Variants in OSBPL6 observed in about 807,000 individuals in gnomAD.
OSBPL6 encodes oxysterol binding protein like 6.
OSBPL6 carries 49 observed loss-of-function variants against 125.8 expected under a neutral mutation model. The ratio of observed to expected loss-of-function variants is 0.39; its 90% CI spans 0.31 to 0.49. OSBPL6 has a LOEUF of 0.49. OSBPL6 is among the 20% of genes least tolerant of loss of function. The pLI, the probability that OSBPL6 is intolerant of heterozygous loss-of-function variation, is 0.88. For missense variants in OSBPL6, 986 were observed against 1,135.4 expected, an observed-to-expected ratio of 0.87 and a Z score of 1.89; for synonymous variants, 394 against 391.8, an observed-to-expected ratio of 1.01 and a Z score of -0.07.
intron 2 of OSBPL6, among the ~76,000 whole-genome samples, chr2:178,298,574 C>T (rs922086288): frequency 1.3e-5 from 2 of 152,152 alleles, no homozygotes; most frequent in Non-Finnish European, 2.9e-5. Context: ...CAGGCAAGTA[C>T]CATCACATTC....
intron 1 of OSBPL6, among the ~76,000 whole-genome samples, chr2:178,204,319 C>T (rs73028668): frequency 0.086 from 13,105 of 152,250 alleles, 672 homozygotes; most frequent in South Asian, 0.12. Context: ...CCACCCTGCC[C>T]GGCCTCACTG....
chr2:178,201,170 C>T (rs62177211), intron 1 of OSBPL6, among the ~76,000 whole-genome samples: 18,828 of 152,012 alleles, frequency 0.12, 1,253 homozygotes, highest in South Asian at 0.19. Context: ...TTAAATTTAC[C>T]TTTCTGATTT....
At chr2:178,219,240 A>G (rs2090236691) in intron 1 of OSBPL6, among the ~76,000 whole-genome samples, 1 of 152,248 alleles carries the variant, frequency 6.6e-6, no homozygotes, top group South Asian at 2.1e-4. Context: ...GGTTGCTTGC[A>G]TCATCTATAT....
At chr2:178,272,552 G>C (rs1452645206) in intron 1 of OSBPL6, among the ~76,000 whole-genome samples, 1 of 152,080 alleles carries the variant, frequency 6.6e-6, no homozygotes, top group Non-Finnish European at 1.5e-5. Flanking sequence ...CAATGGGAAG[G>C]AAGCTTTTAA....
At chr2:178,327,308 A>G (rs934556646) in intron 4 of OSBPL6, among the ~76,000 whole-genome samples, 1 of 152,188 alleles carries the variant, frequency 6.6e-6, no homozygotes, top group Non-Finnish European at 1.5e-5. Context: ...CATCATCCAC[A>G]TGTAGACACA....
At chr2:178,221,103 C>A (rs1022282582) in intron 1 of OSBPL6, among the ~76,000 whole-genome samples, 16 of 152,148 alleles carry the variant, frequency 1.1e-4, no homozygotes, top group Non-Finnish European at 2.2e-4. Flanking sequence ...TTTGTTTCCC[C>A]CTCCATTCTG....
intron 15 of OSBPL6, among the ~76,000 whole-genome samples, chr2:178,378,624 G>A (rs1419705452): frequency 6.6e-6 from 1 of 152,212 alleles, no homozygotes; most frequent in Non-Finnish European, 1.5e-5. Context: ...AGTTTGTAAA[G>A]AGAAATACTT....
At chr2:178,342,255 T>C in intron 11 of OSBPL6, among the ~76,000 whole-genome samples, 1 of 152,190 alleles carries the variant, frequency 6.6e-6, no homozygotes, top group African/African-American at 2.4e-5. Context: ...ATTGTGAAGG[T>C]GCCCAGACCA....
chr2:178,254,421 C>G (rs1179060833), intron 1 of OSBPL6, among the ~76,000 whole-genome samples: 7 of 151,090 alleles, frequency 4.6e-5, no homozygotes, highest in Non-Finnish European at 8.8e-5. Context: ...GAAAGAAATT[C>G]CTTTTCCTTA....
Position 178,385,540 on chromosome 2 carries a change from A to G in OSBPL6, c.2077+19A>G. On this transcript the variant is annotated intron_variant, in intron 19 of 24. Coordinates refer to ENST00000190611, the MANE Select transcript of OSBPL6 (RefSeq NM_032523.4). ...TGGCAAGGTTTGTATTTCAATTATAATTTAAAATCAAATGTATGAGCCTAT... is the reference window on the plus strand; with the variant it reads ...TGGCAAGGTTTGTATTTCAATTATAGTTTAAAATCAAATGTATGAGCCTAT... 2 of 1,553,350 alleles carry G rather than the reference A, an allele frequency of 1.3e-6. No individual in the cohort carries two copies.
chr2:178,368,314 C>T (rs1434093), intron 13 of OSBPL6, among the ~76,000 whole-genome samples: 11,895 of 152,096 alleles, frequency 0.078, 716 homozygotes, highest in Non-Finnish European at 0.12. Flanking sequence ...GCTCAGTTGC[C>T]GGCTTACACT....
At chr2:178,328,418 A>G (rs781006768) in intron 5 of OSBPL6, 40 bp downstream of exon 5, 1 of 1,595,042 alleles carries the variant, frequency 6.3e-7, no homozygotes, top group African/African-American at 1.4e-5. Flanking sequence ...CCATCTTCAT[A>G]AATAAAGAAG....
chr2:178,358,163 A>G (rs557486920), intron 12 of OSBPL6, among the ~76,000 whole-genome samples: 1 of 152,326 alleles, frequency 6.6e-6, no homozygotes, highest in African/African-American at 2.4e-5. Flanking sequence ...GCAAAGCAAC[A>G]TGGCACATGT....
chr2:178,255,836 G>A (rs769637208), intron 1 of OSBPL6, among the ~76,000 whole-genome samples: 7 of 152,206 alleles, frequency 4.6e-5, no homozygotes, highest in Non-Finnish European at 8.8e-5. Flanking sequence ...TGCTTTCCCA[G>A]CTTTTGCTGT....
chr2:178,217,439 C>T lies in OSBPL6; in HGVS notation c.-351+22765C>T, dbSNP rs78901606. Among the ~76,000 whole-genome samples the T allele has an allele frequency of 9.1e-3, 1,389 of 152,166 alleles. 12 individuals are homozygous for T. Among genetic ancestry groups the T allele is most frequent in the Non-Finnish European group, 0.016 (1,068 of 68,008 alleles). On this transcript the variant is annotated intron_variant, in intron 1 of 24. Transcript: ENST00000190611. ...GGCTACATTGTCCGAGGTGTATACT[C>T]GGGGTTTTGTCATCGCACGCCAGGA... is the stretch of plus-strand genomic sequence containing the variant.
chr2:178,196,654 C>T (rs974560303), intron 1 of OSBPL6, among the ~76,000 whole-genome samples: 1 of 152,096 alleles, frequency 6.6e-6, no homozygotes, highest in African/African-American at 2.4e-5. Context: ...GTCTTAGTAC[C>T]ACCACAGATA....
intron 23 of OSBPL6, 134 bp downstream of exon 23, chr2:178,392,672 A>G: frequency 8.7e-7 from 1 of 1,154,394 alleles, no homozygotes; most frequent in Non-Finnish European, 1.2e-6. Flanking sequence ...CCTGGACAAT[A>G]TAGTGAGACT....
At chr2:178,385,347 G>A (rs1444108536) in intron 18 of OSBPL6, 111 bp from the exon 19 acceptor site, 4 of 729,842 alleles carry the variant, frequency 5.5e-6, no homozygotes, top group African/African-American at 1.8e-5. Flanking sequence ...TTTAAAGCAT[G>A]AAGTCTTACA....
intron 1 of OSBPL6, among the ~76,000 whole-genome samples, chr2:178,206,094 T>C (rs1029000009): frequency 1.3e-5 from 2 of 152,206 alleles, no homozygotes; most frequent in African/African-American, 4.8e-5. Context: ...TTTAATACTG[T>C]ATTACACAGC....
Sources: allele counts gnomAD v4.1 joint callset (sites outside exome capture counted in the v4.1 genomes callset), GRCh38; gene constraint gnomAD v4.1.1; transcripts MANE v1.5; gene names NCBI Gene and HGNC (gene_info 2026-07-23, HGNC 2026-07-21).